NFKB1: variants seen among roughly 807,000 people sequenced by gnomAD.
NFKB1 encodes the protein nuclear factor kappa B subunit 1.
NFKB1 carries 9 observed loss-of-function variants against 105.1 expected under a neutral mutation model. The ratio of observed to expected loss-of-function variants is 0.09; its 90% CI spans 0.05 to 0.15. The LOEUF is 0.15. Ranked by LOEUF, NFKB1 falls within the 10% of genes least tolerant of loss-of-function variation. NFKB1 has a pLI of 1.00. For synonymous variants in NFKB1, 440 were observed against 442.2 expected, an observed-to-expected ratio of 1.00 and a Z score of 0.06; for missense variants, 830 against 1,203.7, an observed-to-expected ratio of 0.69 and a Z score of 4.59.
At chr4:102,507,012 AATAC>A (rs1739458389) in intron 1 of NFKB1, among the ~76,000 whole-genome samples, 2 of 147,928 alleles carry the variant, frequency 1.4e-5, no homozygotes, top group Non-Finnish European at 1.5e-5. Flanking sequence ...TATATGTATA[AATAC>A]ATATTTGTAA....
intron 11 of NFKB1, among the ~76,000 whole-genome samples, chr4:102,591,911 A>G (rs1176939180): frequency 1.3e-5 from 2 of 152,258 alleles, no homozygotes; most frequent in African/African-American, 4.8e-5. Flanking sequence ...AGGATTTACC[A>G]TTAACCACAT....
chr4:102,511,098 C>T (rs1378761790), intron 1 of NFKB1: 5 of 447,102 alleles, frequency 1.1e-5, no homozygotes, highest in Non-Finnish European at 1.7e-5. Context: ...ATTATTTTTT[C>T]CTTCCTTTTT....
chr4:102,577,759 C>T (rs1724975152), intron 7 of NFKB1: 1 of 940,492 alleles, frequency 1.1e-6, no homozygotes, highest in Non-Finnish European at 1.3e-6. Context: ...TCCCCCTCCT[C>T]GCCTGTGCTG....
At chr4:102,579,348 T>G (rs1246399736) in intron 8 of NFKB1, among the ~76,000 whole-genome samples, 1 of 152,084 alleles carries the variant, frequency 6.6e-6, no homozygotes, top group Admixed American at 6.6e-5. Flanking sequence ...GGTTGATACT[T>G]TTAGAAGGGA....
intron 5 of NFKB1, chr4:102,557,185 C>G (rs1723049426): frequency 6.6e-6 from 1 of 152,188 alleles, no homozygotes; most frequent in South Asian, 2.1e-4. Flanking sequence ...GAGAGAATCT[C>G]AACTGCAGAT....
At chr4:102,609,702 A>G (rs779581032) in intron 19 of NFKB1, among the ~76,000 whole-genome samples, 6 of 151,452 alleles carry the variant, frequency 4.0e-5, no homozygotes, top group Non-Finnish European at 7.4e-5. Flanking sequence ...TAATTTCTCC[A>G]TGGATTACAT....
At chr4:102,517,527 T>C (rs1317962288) in intron 1 of NFKB1, among the ~76,000 whole-genome samples, 1 of 152,176 alleles carries the variant, frequency 6.6e-6, no homozygotes. Context: ...AAAACTCCCA[T>C]CTCTACTTTT....
At chr4:102,537,977 C>T (rs1293877773) in intron 5 of NFKB1, 21 bp downstream of exon 5, 2 of 1,420,680 alleles carry the variant, frequency 1.4e-6, no homozygotes, top group Non-Finnish European at 2.0e-6. Flanking sequence ...GGTAGCTCTC[C>T]TTCTATTTGA....
chr4:102,577,914 A>C, intron 7 of NFKB1: 1 of 985,352 alleles, frequency 1.0e-6, no homozygotes, highest in Non-Finnish European at 1.2e-6. Flanking sequence ...GATAGATATT[A>C]CTGAAGTTCT....
intron 16 of NFKB1, among the ~76,000 whole-genome samples, chr4:102,601,757 G>GC: frequency 6.6e-6 from 1 of 152,318 alleles, no homozygotes; most frequent in Middle Eastern, 3.4e-3. Context: ...GGTGATGGGA[G>GC]CCCAGTGACC....
chr4:102,589,615 A>G (rs1227380838), intron 11 of NFKB1, among the ~76,000 whole-genome samples: 2 of 152,166 alleles, frequency 1.3e-5, no homozygotes, highest in East Asian at 1.9e-4. Context: ...GAGACCTTCT[A>G]TCTAGCCCTA....
At chr4:102,607,849 CCTA>C (rs1332925436) in intron 19 of NFKB1, 98 bp downstream of exon 19, 3 of 1,002,026 alleles carry the variant, frequency 3.0e-6, no homozygotes, top group African/African-American at 1.6e-5. Flanking sequence ...AAGCCACAGA[CCTA>C]CTGCTGAAAA....
chr4:102,612,392 T>C lies in NFKB1; in HGVS notation c.2420-42T>C. 5 of 1,595,190 alleles carry C rather than the reference T, an allele frequency of 3.1e-6. No homozygotes were observed. The African/African-American group carries it at 5.4e-5, about 17-fold the overall frequency. On this transcript the variant is annotated intron_variant, in intron 21 of 23. Coordinates refer to ENST00000226574, the MANE Select transcript of NFKB1 (RefSeq NM_003998.4). ...ATGATCAGTCCCTCCAGAGTGTCTA[T>C]GGCATGTTAGAACAAGTGTGTTCCT...
At chr4:102,597,318 CTAACTA>C (rs1306084853) in intron 14 of NFKB1, among the ~76,000 whole-genome samples, 196 bp from the exon 15 acceptor site, 2 of 152,318 alleles carry the variant, frequency 1.3e-5, no homozygotes, top group East Asian at 3.8e-4. Flanking sequence ...AGATCAATCT[CTAACTA>C]TATTTGTCAG....
intron 12 of NFKB1, among the ~76,000 whole-genome samples, chr4:102,594,654 C>A (rs956461217): frequency 3.9e-5 from 6 of 152,134 alleles, no homozygotes; most frequent in African/African-American, 1.4e-4. Context: ...CCATTACAAC[C>A]CCTCCCCAAA....
chr4:102,567,176 T>C (rs1224424489), intron 6 of NFKB1, 41 bp downstream of exon 6: 2 of 1,598,708 alleles, frequency 1.3e-6, no homozygotes, highest in Admixed American at 3.4e-5. Context: ...TAGGAACAGA[T>C]AGAATATGGG....
At chr4:102,560,119 T>C (rs1723291637) in intron 5 of NFKB1, among the ~76,000 whole-genome samples, 1 of 152,138 alleles carries the variant, frequency 6.6e-6, no homozygotes, top group South Asian at 2.1e-4. Context: ...TCCCATATTA[T>C]TTTGCAGTGA....
chr4:102,548,111 C>T (rs2149139502), intron 5 of NFKB1, among the ~76,000 whole-genome samples: 1 of 152,084 alleles, frequency 6.6e-6, no homozygotes. Flanking sequence ...CAGGGAAGGC[C>T]ACACACCAAG....
intron 5 of NFKB1, among the ~76,000 whole-genome samples, chr4:102,552,143 C>T (rs992962125): frequency 3.9e-5 from 6 of 152,170 alleles, no homozygotes; most frequent in East Asian, 1.9e-4. Context: ...TGTAGTACTG[C>T]TGGGCACCAC....
Sources: gnomAD v4.1 joint callset for allele counts (sites outside exome capture counted in the v4.1 genomes callset) on GRCh38, gnomAD v4.1.1 for gene constraint, MANE v1.5 for transcripts, NCBI Gene and HGNC (gene_info 2026-07-23, HGNC 2026-07-21) for gene names.